Variants in ZNF541 observed in about 807,000 individuals in gnomAD.
The protein encoded by ZNF541 is zinc finger protein 541.
Under a neutral mutation model 123.5 loss-of-function variants are expected in ZNF541, and 23 were observed. That is an observed-to-expected ratio of 0.19 (90% CI 0.13 to 0.26). ZNF541 has a LOEUF of 0.26. Among genes scored for constraint, ZNF541 ranks in the 10% least tolerant of loss-of-function variants. The probability of loss-of-function intolerance (pLI) is 1.00; values close to 1 mark genes in which losing one functional copy is unlikely to be tolerated. For synonymous variants in ZNF541, 751 were observed against 754.5 expected, an observed-to-expected ratio of 1.00 and a Z score of 0.08; for missense variants, 1,612 against 1,789.9, an observed-to-expected ratio of 0.90 and a Z score of 1.79.
At chr19:47,549,046 T>C (rs1600033058) in intron 4 of ZNF541, among the ~76,000 whole-genome samples, 199 bp downstream of exon 4, 1 of 136,480 alleles carries the variant, frequency 7.3e-6, no homozygotes. Flanking sequence ...GCCACTACAC[T>C]CCAGCCCGGA....
In ZNF541 at chr19:47,545,542, C is replaced by A. The variant is rs905907730; in HGVS notation, c.987G>T (p.Ala329=). ...TPAGPHAAPA[A]LDTELPEEPC... is the part of the protein sequence containing the mutation. ...GCTCCTCGGGAAGCTCGGTGTCCAG[C>A]GCTGCTGGGGCCGCGTGGGGGCCGG... The change falls in exon 5 of 17, where the codon GCG becomes GCT. Residue 329 remains alanine (A), a synonymous_variant. Coordinates refer to ENST00000391901, the MANE Select transcript of ZNF541 (RefSeq NM_001277075.3). The surrounding 1 kb of genome is among the most constrained non-coding windows in gnomAD (Gnocchi z 7.5). 7.2e-6 allele frequency: 11 copies of A among 1,532,274 alleles called. No homozygotes were observed. The East Asian group carries it at 7.4e-5, about 10-fold the overall frequency. 94.9% of individuals were successfully genotyped at this position (1,532,274 alleles called of 1,614,324 possible).
intron 3 of ZNF541, among the ~76,000 whole-genome samples, chr19:47,553,191 C>A (rs534475492): frequency 3.9e-5 from 6 of 152,088 alleles, no homozygotes; most frequent in Non-Finnish European, 8.8e-5. Flanking sequence ...GTCACTTGAT[C>A]TTCTTAGAAA....
At position 47,539,849 on chromosome 19, in the gene ZNF541, T is replaced by C. The variant is rs1970001198; in HGVS notation, c.2652A>G (p.Leu884=). 2.6e-6 allele frequency: 4 copies of C among 1,522,116 alleles called. No homozygotes were observed. The highest frequency in any genetic ancestry group is 1.4e-5 in the African/African-American group (1 of 70,804). 94.3% of individuals were successfully genotyped at this position (1,522,116 alleles called of 1,614,324 possible). Residue 884 remains leucine (L), a synonymous_variant, in exon 8 of 17, where the codon CTA becomes CTG. Transcript: ENST00000391901. ...CCCCTTCTGGCCTCAGCACCTGTCTTAGCGGCTTGCAAAACTCTGTGCCAA... is the reference window on the plus strand; with the variant it reads ...CCCCTTCTGGCCTCAGCACCTGTCTCAGCGGCTTGCAAAACTCTGTGCCAA... ...QVFGTEFCKP[L]RQVLRPEGDR... is the part of the protein sequence containing the mutation.
intron 14 of ZNF541, among the ~76,000 whole-genome samples, chr19:47,525,156 G>A (rs1470033109): frequency 2.6e-5 from 4 of 151,860 alleles, no homozygotes; most frequent in South Asian, 4.2e-4. Context: ...GTGGTTGTGC[G>A]CACCTGTAAT....
At chr19:47,537,306 G>A (rs981772023) in intron 9 of ZNF541, among the ~76,000 whole-genome samples, 1 of 152,160 alleles carries the variant, frequency 6.6e-6, no homozygotes, top group Non-Finnish European at 1.5e-5. Flanking sequence ...GCTCACACCT[G>A]TAATCCCAGC....
At chr19:47,549,513 T>C (rs1238318533) in intron 3 of ZNF541, 28 bp from the exon 4 acceptor site, 1 of 1,550,336 alleles carries the variant, frequency 6.5e-7, no homozygotes, top group Non-Finnish European at 8.7e-7. Flanking sequence ...GCACAGGTTA[T>C]ACACAGCCAA....
In ZNF541 at chr19:47,521,753, C is replaced by A; in HGVS notation, c.3712-99G>T. 2 of 1,519,960 alleles carry A rather than the reference C, an allele frequency of 1.3e-6. No homozygotes were observed. The highest frequency in any genetic ancestry group is 1.3e-5 in the South Asian group (1 of 79,624). The allele number at this position is 1,519,960 out of a possible 1,614,324, so 94.2% of individuals were successfully genotyped here. A position where few individuals can be genotyped will look rare whatever the true frequency, so the allele number is the denominator to read the frequency against. The stretch of plus-strand genomic sequence containing the variant: ...ACGTGTCTCCTGCAGGAAAACCCTT[C>A]CATCAGGAGCACCCCCGCCCTCTGA... On this transcript the variant is annotated intron_variant, in intron 15 of 16. Coordinates refer to ENST00000391901, the MANE Select transcript of ZNF541 (RefSeq NM_001277075.3). The surrounding 1 kb of genome is among the most constrained non-coding windows in gnomAD (Gnocchi z 4.2).
rs147648187 is a variant in ZNF541, at chr19:47,536,026, A to T, written c.3094+2116T>A. Reference sequence around the variant, plus strand: ...TATAGATCAATTAAAAGTATTCCTTACAGGAAACAAAGGGATGGGCCAAAA... The same window carrying T: ...TATAGATCAATTAAAAGTATTCCTTTCAGGAAACAAAGGGATGGGCCAAAA... On this transcript the variant is annotated intron_variant, in intron 9 of 16. Coordinates refer to ENST00000391901, the MANE Select transcript of ZNF541 (RefSeq NM_001277075.3). Among the ~76,000 whole-genome samples, 217 of 152,344 alleles carry T rather than the reference A, an allele frequency of 1.4e-3. 2 individuals carry two copies. The highest frequency in any genetic ancestry group is 4.9e-3 in the African/African-American group (203 of 41,584).
At chr19:47,568,491 G>A (rs564029446) in intron 2 of ZNF541, among the ~76,000 whole-genome samples, 1 of 151,916 alleles carries the variant, frequency 6.6e-6, no homozygotes, top group African/African-American at 2.4e-5. Flanking sequence ...TTACAAGCAT[G>A]TGCCACCACA....
At position 47,528,933 on chromosome 19, in the gene ZNF541, G is replaced by C. The variant is rs938132691; in HGVS notation, c.3570+17C>G. On this transcript the variant is annotated intron_variant, in intron 14 of 16. Transcript: ENST00000391901. ...GTGTGAGGCAGGGCCTTGGACACCA[G>C]CCCACATTCACTTTACCATCTTGTG... is the stretch of plus-strand genomic sequence containing the variant. The C allele has an allele frequency of 6.5e-7, 1 of 1,545,770 alleles. No homozygotes were observed. The highest frequency in any genetic ancestry group is 8.8e-7 in the Non-Finnish European group (1 of 1,141,808).
At chr19:47,560,687 A>G (rs528241703) in intron 2 of ZNF541, among the ~76,000 whole-genome samples, 1 of 152,162 alleles carries the variant, frequency 6.6e-6, no homozygotes, top group East Asian at 1.9e-4. Flanking sequence ...AAATCTTATC[A>G]TGCAATCCAG....
chr19:47,558,288 C>T (rs532009564), intron 2 of ZNF541, among the ~76,000 whole-genome samples: 522 of 151,588 alleles, frequency 3.4e-3, no homozygotes, highest in Non-Finnish European at 5.8e-3. Context: ...TGGTGGTGGG[C>T]GCCTGTAGTC....
chr19:47,568,862 A>G (rs28445009), intron 2 of ZNF541, among the ~76,000 whole-genome samples: 10,884 of 150,342 alleles, frequency 0.072, 1,019 homozygotes, highest in African/African-American at 0.22. Flanking sequence ...AGTAGAGACG[A>G]GGTTTCACTA....
chr19:47,540,400 G>A (rs1970030229), intron 6 of ZNF541, 65 bp from the exon 7 acceptor site: 5 of 1,397,596 alleles, frequency 3.6e-6, no homozygotes, highest in Non-Finnish European at 4.7e-6. Context: ...CTGATTTTTT[G>A]TTGTTTTTTT....
intron 1 of ZNF541, among the ~76,000 whole-genome samples, 173 bp from the exon 2 acceptor site, chr19:47,572,215 GTTCCTTCTTTCCTTA>G (rs796728672): frequency 2.6e-5 from 4 of 152,296 alleles, no homozygotes; most frequent in African/African-American, 9.6e-5. Context: ...AGAAATAATT[GTTCCTTCTTTCCTTA>G]TTTTTCCCCC....
At position 47,554,196 on chromosome 19, in the gene ZNF541, G is replaced by T. The variant is rs182527278; in HGVS notation, c.307+1354C>A. ...ACCTGTAATCCCAAGCACTTTGGAA[G>T]GCCAAGGTAGGCAGATTGCTTGAGC... is the stretch of plus-strand genomic sequence containing the variant. On this transcript the variant is annotated intron_variant, in intron 3 of 16. Coordinates refer to ENST00000391901, the MANE Select transcript of ZNF541 (RefSeq NM_001277075.3). 1.2e-3 allele frequency among the ~76,000 whole-genome samples: 177 copies of T among 152,334 alleles called. 1 individual carries two copies. The highest frequency in any genetic ancestry group is 6.8e-3 in the Middle Eastern group (2 of 294).
chr19:47,558,508 CTTAG>C (rs1161119958), intron 2 of ZNF541, among the ~76,000 whole-genome samples: 21 of 151,226 alleles, frequency 1.4e-4, no homozygotes, highest in Admixed American at 1.2e-3. Context: ...GATACATTAA[CTTAG>C]TTATTTAAAT....
intron 5 of ZNF541, among the ~76,000 whole-genome samples, chr19:47,543,314 T>C (rs1970162345): frequency 6.6e-6 from 1 of 151,512 alleles, no homozygotes; most frequent in African/African-American, 2.4e-5. Flanking sequence ...GTTGCCCAGG[T>C]TGGACATGGA....
chr19:47,526,355 G>A (rs1259314423), intron 14 of ZNF541, among the ~76,000 whole-genome samples: 2 of 151,756 alleles, frequency 1.3e-5, no homozygotes, highest in African/African-American at 4.8e-5. Flanking sequence ...GGTAGCAGGC[G>A]CCTGTAATCC....
Sources: gnomAD v4.1 joint callset for allele counts (sites outside exome capture counted in the v4.1 genomes callset) on GRCh38, gnomAD v4.1.1 for gene constraint, Gnocchi (gnomAD v3.1) non-coding constraint, MANE v1.5 for transcripts, NCBI Gene and HGNC (gene_info 2026-07-23, HGNC 2026-07-21) for gene names.